GRIA1: variants seen among roughly 807,000 people sequenced by gnomAD.
GRIA1 encodes the protein glutamate ionotropic receptor AMPA type subunit 1.
In GRIA1, 31 loss-of-function variants were observed where a neutral mutation model predicts 99.2. That is an observed-to-expected ratio of 0.31 (90% CI 0.23 to 0.42). The LOEUF (loss-of-function observed/expected upper bound fraction) is 0.42. Among genes scored for constraint, GRIA1 ranks in the 10% least tolerant of loss-of-function variants. The probability of loss-of-function intolerance (pLI) is 1.00; values close to 1 mark genes in which losing one functional copy is unlikely to be tolerated. For missense variants in GRIA1, 782 were observed against 1,157.5 expected (o/e 0.68, Z 4.71); for synonymous variants, 438 against 432.4 (o/e 1.01, Z -0.16).
intron 4 of GRIA1, among the ~76,000 whole-genome samples, chr5:153,652,832 G>A (rs1317833260): frequency 6.6e-6 from 1 of 152,172 alleles, no homozygotes; most frequent in African/African-American, 2.4e-5. Context: ...AATAATGAAT[G>A]ACAGTAATGA....
At chr5:153,718,750 C>G (rs1470591153) in intron 11 of GRIA1, among the ~76,000 whole-genome samples, 1 of 152,164 alleles carries the variant, frequency 6.6e-6, no homozygotes, top group Non-Finnish European at 1.5e-5. Context: ...TTATTCCCTG[C>G]TAAGAGCTTT....
chr5:153,595,124 T>G (rs1158474894), intron 2 of GRIA1, among the ~76,000 whole-genome samples: 1 of 152,184 alleles, frequency 6.6e-6, no homozygotes, highest in East Asian at 1.9e-4. Flanking sequence ...GATCTGTATA[T>G]TCACACCTAT....
At chr5:153,557,508 C>T (rs753433075) in intron 2 of GRIA1, among the ~76,000 whole-genome samples, 6 of 152,170 alleles carry the variant, frequency 3.9e-5, no homozygotes, top group Non-Finnish European at 8.8e-5. Flanking sequence ...AACTTTTTGA[C>T]TCTTTTGTAG....
At chr5:153,806,143 C>T (rs1344557264) in intron 15 of GRIA1, among the ~76,000 whole-genome samples, 1 of 152,218 alleles carries the variant, frequency 6.6e-6, no homozygotes, top group Middle Eastern at 3.2e-3. Context: ...TTCAGAAGTG[C>T]AGCCCCCAAC....
intron 11 of GRIA1, among the ~76,000 whole-genome samples, chr5:153,750,172 T>C (rs900044749): frequency 6.6e-6 from 1 of 152,166 alleles, no homozygotes; most frequent in Non-Finnish European, 1.5e-5. Flanking sequence ...ATTGTTGCAT[T>C]TGGCCAGCAC....
chr5:153,505,364 T>C (rs1357411471), intron 2 of GRIA1, among the ~76,000 whole-genome samples: 3 of 152,070 alleles, frequency 2.0e-5, no homozygotes, highest in African/African-American at 4.8e-5. Flanking sequence ...GAAAAAAATA[T>C]AACTTCCTGC....
intron 13 of GRIA1, among the ~76,000 whole-genome samples, chr5:153,791,454 T>C (rs972748327): frequency 5.3e-5 from 8 of 151,726 alleles, no homozygotes; most frequent in African/African-American, 1.7e-4. Flanking sequence ...GTGTGCAAAG[T>C]AAAAGTTTAA....
At chr5:153,754,438 C>T (rs1353551323) in intron 11 of GRIA1, among the ~76,000 whole-genome samples, 1 of 152,022 alleles carries the variant, frequency 6.6e-6, no homozygotes, top group Non-Finnish European at 1.5e-5. Context: ...GACTATCGTT[C>T]AAGGTAGGCT....
At chr5:153,711,246 G>T (rs528143228) in intron 11 of GRIA1, among the ~76,000 whole-genome samples, 16 of 152,322 alleles carry the variant, frequency 1.1e-4, no homozygotes, top group African/African-American at 3.4e-4. Context: ...CCACTCTGGG[G>T]AGCTATGAGG....
intron 11 of GRIA1, among the ~76,000 whole-genome samples, chr5:153,742,371 C>T (rs995667226): frequency 9.2e-5 from 14 of 152,094 alleles, no homozygotes; most frequent in African/African-American, 3.4e-4. Flanking sequence ...GTGTGACTTA[C>T]CTGTACTTAT....
intron 11 of GRIA1, among the ~76,000 whole-genome samples, chr5:153,721,891 G>A (rs994506828): frequency 2.6e-5 from 4 of 152,112 alleles, no homozygotes; most frequent in Non-Finnish European, 4.4e-5. Context: ...GAATTCCTGG[G>A]TCAACTTATA....
At chr5:153,797,088 C>T (rs549772161) in intron 14 of GRIA1, among the ~76,000 whole-genome samples, 18 of 152,246 alleles carry the variant, frequency 1.2e-4, no homozygotes, top group Non-Finnish European at 2.2e-4. Flanking sequence ...GTCAGAGGGA[C>T]GTGAGTGGAG....
intron 2 of GRIA1, among the ~76,000 whole-genome samples, chr5:153,617,391 C>A (rs1200925315): frequency 1.3e-5 from 2 of 152,168 alleles, no homozygotes; most frequent in Admixed American, 6.5e-5. Flanking sequence ...CCGTTTGGTT[C>A]CCTGGGAATG....
chr5:153,590,596 T>A (rs921351670), intron 2 of GRIA1, among the ~76,000 whole-genome samples: 3 of 151,802 alleles, frequency 2.0e-5, no homozygotes, highest in Non-Finnish European at 2.9e-5. Flanking sequence ...GAGATCTTTT[T>A]CCTACAGGAC....
At chr5:153,752,304 T>G (rs572061103) in intron 11 of GRIA1, among the ~76,000 whole-genome samples, 2 of 152,258 alleles carry the variant, frequency 1.3e-5, no homozygotes, top group Admixed American at 6.5e-5. Context: ...CTCCCACTCC[T>G]ACTTCAAAAT....
intron 2 of GRIA1, among the ~76,000 whole-genome samples, chr5:153,541,204 C>G (rs938684613): frequency 2.0e-5 from 3 of 152,226 alleles, no homozygotes; most frequent in African/African-American, 7.2e-5. Context: ...ACCTCCTTCA[C>G]AGAGCTTGTC....
chr5:153,557,320 A>C (rs933415979), intron 2 of GRIA1, among the ~76,000 whole-genome samples: 1 of 152,134 alleles, frequency 6.6e-6, no homozygotes, highest in Admixed American at 6.6e-5. Flanking sequence ...GCTAGAGTGC[A>C]ATGGCAAGAT....
chr5:153,672,789 C>T (rs1037478454), intron 5 of GRIA1, among the ~76,000 whole-genome samples: 1 of 152,152 alleles, frequency 6.6e-6, no homozygotes, highest in Non-Finnish European at 1.5e-5. Flanking sequence ...ACCATGGATC[C>T]CCTGCTCATT....
chr5:153,613,444 C>T (rs1766180246), intron 2 of GRIA1, among the ~76,000 whole-genome samples: 1 of 152,162 alleles, frequency 6.6e-6, no homozygotes, highest in Admixed American at 6.5e-5. Context: ...TCATGCACAT[C>T]TACACACACA....
Sources: allele counts gnomAD v4.1 joint callset (sites outside exome capture counted in the v4.1 genomes callset), GRCh38; gene constraint gnomAD v4.1.1; transcripts MANE v1.5; gene names NCBI Gene and HGNC (gene_info 2026-07-23, HGNC 2026-07-21).